ARHGAP40: variants seen among roughly 807,000 people sequenced by gnomAD.
ARHGAP40 encodes Rho GTPase activating protein 40.
ARHGAP40 carries 43 observed loss-of-function variants against 73.5 expected under a neutral mutation model. That is an observed-to-expected ratio of 0.58 (90% CI 0.46 to 0.75). The LOEUF (loss-of-function observed/expected upper bound fraction) is 0.75. Among genes scored for constraint, ARHGAP40 ranks in the 30% least tolerant of loss-of-function variants. ARHGAP40 has a pLI of 0.00. For synonymous variants in ARHGAP40, 300 were observed against 352.8 expected (o/e 0.85, Z 1.68); for missense variants, 734 against 861.8 (o/e 0.85, Z 1.86).
chr20:38,629,531 G>A (rs1380607394), exon 5 of ARHGAP40: 14 of 1,305,326 alleles, frequency 1.1e-5, no homozygotes, highest in Non-Finnish European at 1.4e-5. Context: ...GCAGGAGCAG[G>A]CTGGGAGGGA....
rs541468456 is a variant in ARHGAP40, at chr20:38,625,594, T to C, written c.338-1401T>C. 5.9e-5 allele frequency among the ~76,000 whole-genome samples: 9 copies of C among 152,224 alleles called. No homozygotes were observed. In the South Asian group the frequency reaches 1.5e-3, roughly 25 times the overall value. The stretch of plus-strand genomic sequence containing the variant: ...CCACCACACCCGTCTAATTTTCGTA[T>C]TTTTAGTAGAGATGGGGTTTCGCCA... On this transcript the variant is annotated intron_variant, in intron 2 of 14. Transcript: ENST00000373345.
chr20:38,603,233 C>G (rs1039221344), intron 1 of ARHGAP40, among the ~76,000 whole-genome samples: 1 of 152,202 alleles, frequency 6.6e-6, no homozygotes, highest in Non-Finnish European at 1.5e-5. Flanking sequence ...CTTAAGGGAA[C>G]AACTTCTAGG....
intron 1 of ARHGAP40, among the ~76,000 whole-genome samples, chr20:38,612,346 C>G (rs901650366): frequency 1.3e-5 from 2 of 152,092 alleles, no homozygotes; most frequent in African/African-American, 4.8e-5. Flanking sequence ...GTAACTGAAA[C>G]AAGTATGTAG....
chr20:38,628,971 G>A (rs2088920312), exon 4 of ARHGAP40: 1 of 1,305,146 alleles, frequency 7.7e-7, no homozygotes, highest in African/African-American at 1.5e-5. Flanking sequence ...AGGGGGCCCA[G>A]CTCAGTTCCG....
intron 5 of ARHGAP40, among the ~76,000 whole-genome samples, chr20:38,630,053 CCTT>C (rs1383694687): frequency 2.0e-5 from 3 of 147,554 alleles, no homozygotes; most frequent in Non-Finnish European, 3.0e-5. Flanking sequence ...TCCTCCTCCT[CCTT>C]CTTTTTTCTT....
chr20:38,647,162 C>T lies in ARHGAP40; in HGVS notation c.1880+36C>T, dbSNP rs777496595. On this transcript the variant is annotated intron_variant, in intron 13 of 14. Coordinates refer to ENST00000373345, the Ensembl canonical transcript of ARHGAP40. ...CCTCCTGGAGGCAGGAGCCTCTTCC[C>T]TGCAGGGAGGGCTCTGCACCCCAGA... 36 of 1,291,006 alleles carry T rather than the reference C, an allele frequency of 2.8e-5. No individual in the cohort carries two copies. In the South Asian group the frequency reaches 4.2e-4, roughly 15 times the overall value. The allele number at this position is 1,291,006 out of a possible 1,614,324, so 80.0% of individuals were successfully genotyped here. A position where few individuals can be genotyped will look rare whatever the true frequency, so the allele number is the denominator to read the frequency against.
At chr20:38,610,218 T>C (rs551284328) in intron 1 of ARHGAP40, among the ~76,000 whole-genome samples, 1 of 152,246 alleles carries the variant, frequency 6.6e-6, no homozygotes, top group South Asian at 2.1e-4. Context: ...ACAACTTACA[T>C]AAGATTTTAA....
intron 6 of ARHGAP40, among the ~76,000 whole-genome samples, chr20:38,635,133 G>A (rs1164651600): frequency 6.6e-6 from 1 of 152,030 alleles, no homozygotes; most frequent in African/African-American, 2.4e-5. Context: ...GCCTGCCTCA[G>A]CCTCCCAAAG....
chr20:38,649,696 G>T, intron 14 of ARHGAP40, 61 bp from the exon 15 acceptor site: 1 of 1,090,312 alleles, frequency 9.2e-7, no homozygotes, highest in Non-Finnish European at 1.3e-6. Flanking sequence ...AGGGCTCTGT[G>T]CAGGGGAACA....
At chr20:38,628,954 G>A (rs755808297) in exon 4 of ARHGAP40, 18 of 1,305,044 alleles carry the variant, frequency 1.4e-5, no homozygotes, top group Admixed American at 1.1e-4. Flanking sequence ...TGGCGACTCC[G>A]GTATGAAGGG....
intron 1 of ARHGAP40, among the ~76,000 whole-genome samples, chr20:38,614,647 C>T (rs1262976341): frequency 6.6e-6 from 1 of 152,138 alleles, no homozygotes; most frequent in East Asian, 1.9e-4. Flanking sequence ...AACTTATTTG[C>T]CTAAAGCTTT....
At position 38,602,083 on chromosome 20, in the gene ARHGAP40, CA is replaced by C. The variant is rs571949616; in HGVS notation, c.137+5del. On this transcript the variant is annotated splice_donor_5th_base_variant and intron_variant, in intron 1 of 14. Transcript: ENST00000373345. Reference sequence around the variant, plus strand: ...GCTGGGCCGACCTGGGCTGCAGGTACAGGGGTCACGGGAGCGGGAGGGAAGT... The same window carrying C: ...GCTGGGCCGACCTGGGCTGCAGGTACGGGGTCACGGGAGCGGGAGGGAAGT... The C allele has an allele frequency of 1.2e-5, 15 of 1,281,368 alleles. No homozygotes were observed. In the African/African-American group the frequency reaches 2.1e-4, roughly 18 times the overall value. The allele number at this position is 1,281,368 out of a possible 1,614,324, so 79.4% of individuals were successfully genotyped here. A position where few individuals can be genotyped will look rare whatever the true frequency, so the allele number is the denominator to read the frequency against.
chr20:38,610,004 AC>A (rs1427235527), intron 1 of ARHGAP40, among the ~76,000 whole-genome samples: 2 of 152,174 alleles, frequency 1.3e-5, no homozygotes, highest in Non-Finnish European at 2.9e-5. Context: ...GCCATGCCTC[AC>A]CCCTAGGCCA....
rs145108069 is a variant in ARHGAP40 at position 38,645,582 on chromosome 20, A to G, written c.1570-465A>G. 2.1e-4 allele frequency among the ~76,000 whole-genome samples: 32 copies of G among 152,168 alleles called. 1 individual carries two copies. Among genetic ancestry groups the G allele is most frequent in the Non-Finnish European group, 1.5e-5 (1 of 68,024 alleles). ...CAGAAACATGTTATTAGCAGGGTCC[A>G]TGGAGTCTGGGTTCTCTGACTCTGC... On this transcript the variant is annotated intron_variant, in intron 11 of 14. Coordinates refer to ENST00000373345, the Ensembl canonical transcript of ARHGAP40.
chr20:38,650,646 C>T (rs2089084409), exon 15 of ARHGAP40: 1 of 471,106 alleles, frequency 2.1e-6, no homozygotes, highest in Non-Finnish European at 4.4e-6. Flanking sequence ...ACAACAAGTT[C>T]AATGTCACAT....
chr20:38,625,559 C>G (rs904407564), intron 2 of ARHGAP40, among the ~76,000 whole-genome samples: 1 of 152,210 alleles, frequency 6.6e-6, no homozygotes, highest in African/African-American at 2.4e-5. Flanking sequence ...GTTGGGACTA[C>G]TGGCATTCAC....
chr20:38,622,169 G>A (rs943734394), intron 1 of ARHGAP40, among the ~76,000 whole-genome samples: 2 of 152,078 alleles, frequency 1.3e-5, no homozygotes, highest in Non-Finnish European at 2.9e-5. Context: ...AATGAGTCTT[G>A]TTTTTTAATA....
intron 1 of ARHGAP40, among the ~76,000 whole-genome samples, chr20:38,614,299 C>T (rs1439315866): frequency 3.9e-5 from 6 of 152,190 alleles, no homozygotes; most frequent in East Asian, 1.9e-4. Context: ...TGTGCACCCA[C>T]GATTCCCTGG....
In ARHGAP40 at chr20:38,607,742, G is replaced by A. The variant is rs565530779; in HGVS notation, c.137+5663G>A. ...TCCAAGTGTGAGAAGGTCTTTTCTC[G>A]ATACTTGCCAGTACTGAGTGTTGGC... is the stretch of plus-strand genomic sequence containing the variant. On this transcript the variant is annotated intron_variant, in intron 1 of 14. Coordinates refer to ENST00000373345, the Ensembl canonical transcript of ARHGAP40. 4.6e-5 allele frequency among the ~76,000 whole-genome samples: 7 copies of A among 152,266 alleles called. No individual in the cohort carries two copies. In the East Asian group the frequency reaches 5.8e-4, roughly 13 times the overall value.
Sources: allele counts gnomAD v4.1 joint callset (sites outside exome capture counted in the v4.1 genomes callset), GRCh38; gene constraint gnomAD v4.1.1; transcripts MANE v1.5; gene names NCBI Gene and HGNC (gene_info 2026-07-23, HGNC 2026-07-21).